NR3C1: variants seen among roughly 807,000 people sequenced by gnomAD.
NR3C1 encodes the protein glucocorticoid receptor.
Under a neutral mutation model 74.0 loss-of-function variants are expected in NR3C1, and 14 were observed. That is an observed-to-expected ratio of 0.19 (90% CI 0.12 to 0.30). NR3C1 has a LOEUF of 0.30. NR3C1 is among the 10% of genes least tolerant of loss of function. The probability of loss-of-function intolerance (pLI) is 1.00; values close to 1 mark genes in which losing one functional copy is unlikely to be tolerated. For synonymous variants in NR3C1, 308 were observed against 332.5 expected (o/e 0.93, Z 0.80); for missense variants, 695 against 909.8 (o/e 0.76, Z 3.04).
chr5:143,383,938 T>C (rs1455298154), intron 2 of NR3C1, among the ~76,000 whole-genome samples: 1 of 152,230 alleles, frequency 6.6e-6, no homozygotes. Context: ...TCTATTGTAT[T>C]ATTCCGTTTT....
At chr5:143,393,351 C>A (rs951871512) in intron 2 of NR3C1, among the ~76,000 whole-genome samples, 2 of 152,200 alleles carry the variant, frequency 1.3e-5, no homozygotes, top group East Asian at 1.9e-4. Context: ...ATTTTAGAAA[C>A]ACACACACAG....
Position 143,300,404 on chromosome 5 carries a change from C to T in NR3C1, c.1747+81G>A, listed in dbSNP as rs954549766. The T allele has an allele frequency of 2.2e-5, 34 of 1,559,794 alleles. 1 individual carries two copies. The highest frequency in any genetic ancestry group is 1.7e-4 in the Admixed American group (10 of 59,890). ...AGAAACAAGATAAGCCATGGGCTCACGATGATATAAAAGCCAAAGTGTTTT... is the reference window on the plus strand; with the variant it reads ...AGAAACAAGATAAGCCATGGGCTCATGATGATATAAAAGCCAAAGTGTTTT... On this transcript the variant is annotated intron_variant, in intron 5 of 8. Transcript: ENST00000394464. This position sits in a 1 kb window ranked among gnomAD's most constrained non-coding sequence, Gnocchi z 5.2.
chr5:143,402,559 G>T, intron 1 of NR3C1: 1 of 978,190 alleles, frequency 1.0e-6, no homozygotes, highest in Non-Finnish European at 1.2e-6. Context: ...CGGGGGTGGA[G>T]AAGAGAAAAA....
intron 4 of NR3C1, among the ~76,000 whole-genome samples, chr5:143,309,296 C>A (rs1386392472): frequency 6.6e-6 from 1 of 152,142 alleles, no homozygotes; most frequent in East Asian, 1.9e-4. Flanking sequence ...TGATCTTGAT[C>A]TCTTGACCTC....
intron 2 of NR3C1, among the ~76,000 whole-genome samples, chr5:143,325,879 T>C (rs1824496164): frequency 6.6e-6 from 1 of 152,190 alleles, no homozygotes; most frequent in South Asian, 2.1e-4. Flanking sequence ...TTTAAAATTA[T>C]ATAAAAGTTA....
intron 2 of NR3C1, among the ~76,000 whole-genome samples, chr5:143,377,282 A>G (rs908806872): frequency 6.6e-6 from 1 of 152,108 alleles, no homozygotes; most frequent in African/African-American, 2.4e-5. Context: ...CTCCCCCCAC[A>G]CAAAAAAAGG....
At chr5:143,346,533 T>C (rs1266119098) in intron 2 of NR3C1, among the ~76,000 whole-genome samples, 3 of 152,240 alleles carry the variant, frequency 2.0e-5, no homozygotes, top group African/African-American at 7.2e-5. Context: ...TGAAAATATA[T>C]AGGAAATTAG....
At chr5:143,285,461 A>G (rs148153598) in intron 7 of NR3C1, among the ~76,000 whole-genome samples, 1 of 152,216 alleles carries the variant, frequency 6.6e-6, no homozygotes, top group Non-Finnish European at 1.5e-5. Flanking sequence ...TTTCTGAAAC[A>G]GTCTACCCAA....
upstream of NR3C1, chr5:143,405,350 A>C (rs1841045291): frequency 1.0e-6 from 1 of 985,590 alleles, no homozygotes; most frequent in African/African-American, 1.7e-5. Context: ...CCGCGCTCAG[A>C]CTGACGGCGG....
intron 2 of NR3C1, among the ~76,000 whole-genome samples, chr5:143,383,692 A>G (rs956834582): frequency 2.0e-5 from 3 of 152,192 alleles, no homozygotes; most frequent in Non-Finnish European, 2.9e-5. Context: ...TGAATTCTAG[A>G]CTGCAACAGT....
At chr5:143,363,881 A>T (rs1832721960) in intron 2 of NR3C1, among the ~76,000 whole-genome samples, 1 of 152,178 alleles carries the variant, frequency 6.6e-6, no homozygotes, top group Admixed American at 6.5e-5. Flanking sequence ...TGGGGAGGAA[A>T]AAACTGGACA....
chr5:143,428,404 A>G (rs1156315839), intron 1 of NR3C1, among the ~76,000 whole-genome samples: 1 of 152,172 alleles, frequency 6.6e-6, no homozygotes, highest in South Asian at 2.1e-4. Flanking sequence ...ACCCTTTTCT[A>G]AAACCCTTCA....
chr5:143,432,239 G>A (rs1424418599), intron 1 of NR3C1, among the ~76,000 whole-genome samples: 2 of 152,164 alleles, frequency 1.3e-5, no homozygotes, highest in Admixed American at 6.5e-5. Context: ...GATCTGGATC[G>A]CTGAATTATA....
chr5:143,304,680 A>G (rs1343811467), intron 4 of NR3C1, among the ~76,000 whole-genome samples: 2 of 152,166 alleles, frequency 1.3e-5, no homozygotes, highest in Non-Finnish European at 2.9e-5. Flanking sequence ...ATAGTAACCG[A>G]AACAGCATGG....
chr5:143,324,988 G>A (rs181083259), intron 2 of NR3C1, among the ~76,000 whole-genome samples: 1 of 152,310 alleles, frequency 6.6e-6, no homozygotes, highest in African/African-American at 2.4e-5. Flanking sequence ...CTATCAGCAT[G>A]TTGGTCAAAG....
chr5:143,398,357 T>TGG (rs34841797), intron 2 of NR3C1, among the ~76,000 whole-genome samples: 2 of 80,292 alleles, frequency 2.5e-5, no homozygotes, highest in African/African-American at 4.7e-5. Context: ...GGTTTTTTGG[T>TGG]TTTTTTTTTT....
chr5:143,423,958 A>G (rs1325156122), intron 1 of NR3C1, among the ~76,000 whole-genome samples: 2 of 145,406 alleles, frequency 1.4e-5, no homozygotes, highest in Non-Finnish European at 3.0e-5. Flanking sequence ...GGGAGGGGGG[A>G]TAAAGAGGGG....
intron 2 of NR3C1, among the ~76,000 whole-genome samples, chr5:143,377,734 T>C (rs916132064): frequency 1.3e-5 from 2 of 152,260 alleles, no homozygotes; most frequent in African/African-American, 4.8e-5. Flanking sequence ...CTCTCATTTC[T>C]GAACACTGAA....
chr5:143,298,464 GTAA>G lies in NR3C1; in HGVS notation c.1892+201_1892+203del, dbSNP rs567282114. On this transcript the variant is annotated intron_variant, in intron 6 of 8. Coordinates refer to ENST00000394464, the MANE Select transcript of NR3C1 (RefSeq NM_000176.3). ...ATATCCTCAAACATGTCCTGGGACA[GTAA>G]TAATGCCACATGTACATTTGCTTTA... is the stretch of plus-strand genomic sequence containing the variant. 2.2e-4 allele frequency among the ~76,000 whole-genome samples: 34 copies of G among 152,302 alleles called. No individual in the cohort carries two copies. The South Asian group carries it at 2.3e-3, about 10-fold the overall frequency.
Sources: gnomAD v4.1 joint callset for allele counts (sites outside exome capture counted in the v4.1 genomes callset) on GRCh38, gnomAD v4.1.1 for gene constraint, Gnocchi (gnomAD v3.1) non-coding constraint, MANE v1.5 for transcripts, NCBI Gene and HGNC (gene_info 2026-07-23, HGNC 2026-07-21) for gene names.